NFKBIL1: variants seen among roughly 807,000 people sequenced by gnomAD.
NFKBIL1 encodes NF-kappa-B inhibitor-like protein 1.
A neutral mutation model predicts 45.4 loss-of-function variants in NFKBIL1; 30 were observed. The ratio of observed to expected loss-of-function variants is 0.66; its 90% CI spans 0.49 to 0.90. The LOEUF is 0.90. Ranked by LOEUF, NFKBIL1 falls within the 40% of genes least tolerant of loss-of-function variation. The pLI is 0.00. For synonymous variants in NFKBIL1, 179 were observed against 197.3 expected, an observed-to-expected ratio of 0.91 and a Z score of 0.78; for missense variants, 434 against 513.4, an observed-to-expected ratio of 0.85 and a Z score of 1.49.
intron 2 of NFKBIL1, among the ~76,000 whole-genome samples, chr6:31,548,893 T>C (rs1292019511): frequency 2.0e-5 from 3 of 152,244 alleles, no homozygotes; most frequent in Non-Finnish European, 2.9e-5. Flanking sequence ...ACATTTCTTA[T>C]AAAGTAACAC....
At chr6:31,550,012 C>G (rs1016804967) in intron 2 of NFKBIL1, among the ~76,000 whole-genome samples, 7 of 152,052 alleles carry the variant, frequency 4.6e-5, no homozygotes, top group African/African-American at 1.7e-4. Flanking sequence ...CCAGCCTGAC[C>G]AACATAGTGA....
upstream of NFKBIL1, among the ~76,000 whole-genome samples, chr6:31,547,398 C>G (rs1347261531): frequency 6.6e-6 from 1 of 152,152 alleles, no homozygotes; most frequent in East Asian, 1.9e-4. Flanking sequence ...TCTCCCTCCC[C>G]TCCCCTCGCC....
At position 31,558,018 on chromosome 6, in the gene NFKBIL1, A is replaced by T; in HGVS notation, c.557-4A>T. ...AACTACCCCCATCCCACCCTCCCAA[A>T]CAGGTGATGCCTCCCATGAAACCCA... On this transcript the variant is annotated splice_polypyrimidine_tract_variant and splice_region_variant and intron_variant, in intron 3 of 3. Coordinates refer to ENST00000376148, the MANE Select transcript of NFKBIL1 (RefSeq NM_005007.4). The surrounding 1 kb of genome is among the most constrained non-coding windows in gnomAD (Gnocchi z 7.2). 6.3e-7 allele frequency: 1 copy of T among 1,592,480 alleles called. No individual in the cohort carries two copies. Among genetic ancestry groups the T allele is most frequent in the Non-Finnish European group, 8.6e-7 (1 of 1,167,866 alleles).
rs1482908120 is a variant in NFKBIL1, at chr6:31,557,230, G to GGGA, written c.335-398_335-397insGGA. ...TCACATCATTCTCCTGCCTCAGCCT[G>GGGA]CCGAGTAGCTGGGACTGCAGGCGCC... On this transcript the variant is annotated intron_variant, in intron 2 of 3. Transcript: ENST00000376148. This position sits in a 1 kb window ranked among gnomAD's most constrained non-coding sequence, Gnocchi z 5.4. 3.9e-3 allele frequency among the ~76,000 whole-genome samples: 597 copies of GGGA among 151,488 alleles called. 4 individuals carry two copies. Among genetic ancestry groups the GGGA allele is most frequent in the African/African-American group, 0.013 (530 of 41,286 alleles).
Position 31,558,528 on chromosome 6 carries a change from G to A in NFKBIL1, c.1063G>A (p.Glu355Lys), listed in dbSNP as rs1280915302. ...RFLQRFRSQI[E>K]TWELGRVMGA... ...CCTGCAGCGATTCCGAAGCCAGATTGAGACCTGGGAGCTGGGCCGTGTGAT... is the reference window on the plus strand; with the variant it reads ...CCTGCAGCGATTCCGAAGCCAGATTAAGACCTGGGAGCTGGGCCGTGTGAT... The change falls in exon 4 of 4, where the codon GAG becomes AAG. Residue 355 changes from glutamate to lysine, a missense_variant. Transcript: ENST00000376148. This position sits in a 1 kb window ranked among gnomAD's most constrained non-coding sequence, Gnocchi z 7.2. 12 of 1,562,570 alleles carry A rather than the reference G, an allele frequency of 7.7e-6. No individual in the cohort carries two copies. Among genetic ancestry groups the A allele is most frequent in the Admixed American group, 1.9e-5 (1 of 51,908 alleles).
chr6:31,552,039 C>T (rs1769456557), intron 2 of NFKBIL1, among the ~76,000 whole-genome samples: 1 of 152,106 alleles, frequency 6.6e-6, no homozygotes, highest in Non-Finnish European at 1.5e-5. Flanking sequence ...TTAGATGATC[C>T]ACCTGCCTCG....
chr6:31,554,505 T>C (rs1176298018), intron 2 of NFKBIL1, among the ~76,000 whole-genome samples: 1 of 152,170 alleles, frequency 6.6e-6, no homozygotes, highest in African/African-American at 2.4e-5. Context: ...CATATCAATA[T>C]ATATAATTTC....
chr6:31,557,788 G>T lies in NFKBIL1; in HGVS notation c.495G>T (p.Trp165Cys). ...ATGATGCCTCCAAGGAGCGGGAATG[G>T]AGACAGAAGCTCCAGGGTGAGCTGG... ...EEDDASKERE[W>C]RQKLQGELED... The change falls in exon 3 of 4, where the codon TGG (tryptophan) becomes TGT (cysteine). Residue 165 changes from tryptophan to cysteine, a missense_variant. Coordinates refer to ENST00000376148, the MANE Select transcript of NFKBIL1 (RefSeq NM_005007.4). This position sits in a 1 kb window ranked among gnomAD's most constrained non-coding sequence, Gnocchi z 5.4. The T allele has an allele frequency of 6.2e-7, 1 of 1,612,344 alleles. No homozygotes were observed. The highest frequency in any genetic ancestry group is 8.5e-7 in the Non-Finnish European group (1 of 1,178,818).
Position 31,557,661 on chromosome 6 carries a change from G to T in NFKBIL1, c.368G>T (p.Arg123Leu), listed in dbSNP as rs973490545. The T allele has an allele frequency of 2.6e-6, 4 of 1,565,434 alleles. No individual in the cohort carries two copies. The highest frequency in any genetic ancestry group is 3.6e-5 in the Admixed American group (2 of 55,136). Residue 123 changes from arginine (R) to leucine (L), a missense_variant, in exon 3 of 4, where the codon CGC becomes CTC. Physicochemically the swap from Arg to Leu is moderately radical, Grantham distance 102. Transcript: ENST00000376148. The surrounding 1 kb of genome is among the most constrained non-coding windows in gnomAD (Gnocchi z 5.4). ...YTDFFLPLLS[R>L]CPSAMGIKNK... ...GATTTCTTCCTCCCGCTGCTAAGCC[G>T]CTGTCCCTCCGCCATGGGAATAAAG...
chr6:31,550,601 T>A (rs1382214101), intron 2 of NFKBIL1, among the ~76,000 whole-genome samples: 1 of 152,136 alleles, frequency 6.6e-6, no homozygotes, highest in African/African-American at 2.4e-5. Context: ...CAGACCTGCA[T>A]CCAGACCCCA....
In NFKBIL1 at chr6:31,557,634, C is replaced by A; in HGVS notation, c.341C>A (p.Thr114Asn). 6.5e-7 allele frequency: 1 copy of A among 1,527,428 alleles called. No homozygotes were observed. The highest frequency in any genetic ancestry group is 8.8e-7 in the Non-Finnish European group (1 of 1,132,768). The allele number at this position is 1,527,428 out of a possible 1,614,324, so 94.6% of individuals were successfully genotyped here. A position where few individuals can be genotyped will look rare whatever the true frequency, so the allele number is the denominator to read the frequency against. ...AAARQGPDAYTDFFLPLLSRC... is the reference protein window; with the variant it reads ...AAARQGPDAYNDFFLPLLSRC... ...CCTGCTCTCCCACCAACAGCCTACA[C>A]CGATTTCTTCCTCCCGCTGCTAAGC... The change falls in exon 3 of 4, where the codon ACC (threonine) becomes AAC (asparagine). Residue 114 changes from threonine to asparagine, a missense_variant. Thr to Asn is a moderately conservative substitution (Grantham distance 65, BLOSUM62 0). Coordinates refer to ENST00000376148, the MANE Select transcript of NFKBIL1 (RefSeq NM_005007.4). The surrounding 1 kb of genome is among the most constrained non-coding windows in gnomAD (Gnocchi z 5.4).
rs1769843633 is a variant in NFKBIL1 at position 31,557,937 on chromosome 6, C to G, written c.557-85C>G. The G allele has an allele frequency of 6.7e-7, 1 of 1,496,220 alleles. No homozygotes were observed. The highest frequency in any genetic ancestry group is 2.1e-5 in the Admixed American group (1 of 48,606). 92.7% of individuals were successfully genotyped at this position (1,496,220 alleles called of 1,614,324 possible). On this transcript the variant is annotated intron_variant, in intron 3 of 3. Coordinates refer to ENST00000376148, the MANE Select transcript of NFKBIL1 (RefSeq NM_005007.4). The surrounding 1 kb of genome is among the most constrained non-coding windows in gnomAD (Gnocchi z 5.4). ...TGCGTCACACTAGGCTCCTCTGCCC[C>G]CTCCTCTGTGCTTCCCTGCTTCTTG...
At chr6:31,554,555 C>CA (rs772800996) in intron 2 of NFKBIL1, among the ~76,000 whole-genome samples, 2 of 151,538 alleles carry the variant, frequency 1.3e-5, no homozygotes, top group African/African-American at 2.4e-5. Context: ...AATTCATTCA[C>CA]AAAAAATACA....
chr6:31,549,073 A>G (rs1385698372), intron 2 of NFKBIL1, among the ~76,000 whole-genome samples: 1 of 152,172 alleles, frequency 6.6e-6, no homozygotes, highest in African/African-American at 2.4e-5. Flanking sequence ...TTTAACAGCT[A>G]CATTGTCCTG....
In NFKBIL1 at chr6:31,548,458, G is replaced by C; in HGVS notation, c.334+19G>C. 6.0e-6 allele frequency: 9 copies of C among 1,488,116 alleles called. No individual in the cohort carries two copies. Among genetic ancestry groups the C allele is most frequent in the Non-Finnish European group, 5.3e-6 (6 of 1,126,000 alleles). The allele number at this position is 1,488,116 out of a possible 1,614,324, so 92.2% of individuals were successfully genotyped here. A position where few individuals can be genotyped will look rare whatever the true frequency, so the allele number is the denominator to read the frequency against. On this transcript the variant is annotated intron_variant, in intron 2 of 3. Transcript: ENST00000376148. ...CCAGATGGTGAGTCTGCTCAGTGGGGAACAAGGTCATAAGCAGCTGACCAG... is the reference window on the plus strand; with the variant it reads ...CCAGATGGTGAGTCTGCTCAGTGGGCAACAAGGTCATAAGCAGCTGACCAG...
chr6:31,555,395 G>A (rs1455179450), intron 2 of NFKBIL1, among the ~76,000 whole-genome samples: 1 of 150,802 alleles, frequency 6.6e-6, no homozygotes, highest in Admixed American at 6.6e-5. Context: ...ATGCTACCAC[G>A]CCTGGCTAAT....
rs757134283 is a variant in NFKBIL1 at position 31,558,007 on chromosome 6, C to T, written c.557-15C>T. 6.9e-7 allele frequency: 1 copy of T among 1,457,584 alleles called. No homozygotes were observed. Among genetic ancestry groups the T allele is most frequent in the Non-Finnish European group, 9.5e-7 (1 of 1,052,932 alleles). 90.3% of individuals were successfully genotyped at this position (1,457,584 alleles called of 1,614,324 possible). On this transcript the variant is annotated splice_polypyrimidine_tract_variant and intron_variant, in intron 3 of 3. Transcript: ENST00000376148. The surrounding 1 kb of genome is among the most constrained non-coding windows in gnomAD (Gnocchi z 7.2). Reference sequence around the variant, plus strand: ...AGCCTCTCTCCAACTACCCCCATCCCACCCTCCCAAACAGGTGATGCCTCC... The same window carrying T: ...AGCCTCTCTCCAACTACCCCCATCCTACCCTCCCAAACAGGTGATGCCTCC...
Position 31,558,671 on chromosome 6 carries a change from G to A in NFKBIL1, c.*60G>A. The stretch of plus-strand genomic sequence containing the variant: ...GCCTCAGGATGAGGCAGAAGGAAGG[G>A]TAAGGGAAAGGATGGGGACCACAAG... On this transcript the variant is annotated 3_prime_UTR_variant, in exon 4 of 4. Transcript: ENST00000376148. This position sits in a 1 kb window ranked among gnomAD's most constrained non-coding sequence, Gnocchi z 7.2. 2 of 1,404,766 alleles carry A rather than the reference G, an allele frequency of 1.4e-6. No individual in the cohort carries two copies. Among genetic ancestry groups the A allele is most frequent in the East Asian group, 2.5e-5 (1 of 39,844 alleles). 87.0% of individuals were successfully genotyped at this position (1,404,766 alleles called of 1,614,324 possible).
chr6:31,548,469 T>C (rs766200068), intron 2 of NFKBIL1, 30 bp downstream of exon 2: 1 of 1,476,658 alleles, frequency 6.8e-7, no homozygotes, highest in Non-Finnish European at 8.9e-7. Flanking sequence ...AACAAGGTCA[T>C]AAGCAGCTGA....
Sources: gnomAD v4.1 joint callset for allele counts (sites outside exome capture counted in the v4.1 genomes callset) on GRCh38, gnomAD v4.1.1 for gene constraint, Gnocchi (gnomAD v3.1) non-coding constraint, MANE v1.5 for transcripts, NCBI Gene and HGNC (gene_info 2026-07-23, HGNC 2026-07-21) for gene names.